MAML1: variants seen among roughly 807,000 people sequenced by gnomAD.
The protein encoded by MAML1 is mastermind like transcriptional coactivator 1, also known as mastermind-like protein 1.
Under a neutral mutation model 77.1 loss-of-function variants are expected in MAML1, and 14 were observed. The ratio of observed to expected loss-of-function variants is 0.18; its 90% CI spans 0.12 to 0.28. MAML1 has a LOEUF of 0.28. Ranked by LOEUF, MAML1 falls within the 10% of genes least tolerant of loss-of-function variation. The pLI is 1.00. For synonymous variants in MAML1, 516 were observed against 551.9 expected, an observed-to-expected ratio of 0.93 and a Z score of 0.91; for missense variants, 1,217 against 1,327.8, an observed-to-expected ratio of 0.92 and a Z score of 1.30.
chr5:179,742,923 G>T (rs978276046), intron 1 of MAML1, among the ~76,000 whole-genome samples: 1 of 152,152 alleles, frequency 6.6e-6, no homozygotes, highest in African/African-American at 2.4e-5. Flanking sequence ...CTAAGCAAAA[G>T]CACTAGTAGT....
chr5:179,737,215 T>TA (rs1779186004), intron 1 of MAML1, among the ~76,000 whole-genome samples: 1 of 152,184 alleles, frequency 6.6e-6, no homozygotes, highest in Non-Finnish European at 1.5e-5. Context: ...AACCTTGACT[T>TA]ATGGATTTCT....
intron 1 of MAML1, among the ~76,000 whole-genome samples, chr5:179,751,637 A>G (rs1019029350): frequency 6.6e-6 from 1 of 151,798 alleles, no homozygotes; most frequent in African/African-American, 2.4e-5. Flanking sequence ...CCCGGGAGGC[A>G]GCGGGTGCAG....
At chr5:179,741,852 A>G (rs181867310) in intron 1 of MAML1, among the ~76,000 whole-genome samples, 13 of 152,188 alleles carry the variant, frequency 8.5e-5, no homozygotes, top group Admixed American at 6.5e-4. Flanking sequence ...CCCTCTGAGC[A>G]TCTGCACATA....
In MAML1 at chr5:179,765,329, C is replaced by A. The variant is rs756012391; in HGVS notation, c.319C>A (p.Leu107Ile). 4 of 1,582,484 alleles carry A rather than the reference C, an allele frequency of 2.5e-6. No homozygotes were observed. In the South Asian group the frequency reaches 4.6e-5, roughly 18 times the overall value. ...GPEHGRPATHLHDTVKRNLDS... is the reference protein window; with the variant it reads ...GPEHGRPATHIHDTVKRNLDS... ...CATTCTTTTCAATGTTTTTCAGCAT[C>A]TTCATGATACAGTTAAGAGGAATCT... Residue 107 changes from leucine to isoleucine, a missense_variant, in exon 2 of 5, where the codon CTT becomes ATT. Transcript: ENST00000292599.
chr5:179,744,527 C>A (rs1581926619), intron 1 of MAML1, among the ~76,000 whole-genome samples: 1 of 151,592 alleles, frequency 6.6e-6, no homozygotes, highest in Admixed American at 6.6e-5. Flanking sequence ...TAAGCTGGAT[C>A]CTTTTGGCAG....
chr5:179,759,930 A>G (rs1400658019), intron 1 of MAML1, among the ~76,000 whole-genome samples: 1 of 152,190 alleles, frequency 6.6e-6, no homozygotes, highest in Non-Finnish European at 1.5e-5. Context: ...ACTCTACAGG[A>G]CTTGGGTACC....
chr5:179,759,117 A>G (rs1425999421), intron 1 of MAML1, among the ~76,000 whole-genome samples: 2 of 152,070 alleles, frequency 1.3e-5, no homozygotes, highest in South Asian at 2.1e-4. Context: ...AGGTGCTCCT[A>G]TTTGTACGGT....
intron 1 of MAML1, among the ~76,000 whole-genome samples, chr5:179,752,340 AAAAAAAAAAAATAT>A (rs1487159487): frequency 1.3e-4 from 7 of 53,492 alleles, no homozygotes; most frequent in African/African-American, 3.7e-4. Context: ...AAAAAAAAAA[AAAAAAAAAAAATAT>A]ATATATATAT....
intron 1 of MAML1, among the ~76,000 whole-genome samples, chr5:179,739,719 A>T (rs190611508): frequency 1.3e-5 from 2 of 152,368 alleles, no homozygotes; most frequent in Non-Finnish European, 2.9e-5. Context: ...GACAACATTT[A>T]CATAGCATTT....
chr5:179,757,758 C>G (rs1411709044), intron 1 of MAML1, among the ~76,000 whole-genome samples: 3 of 152,172 alleles, frequency 2.0e-5, no homozygotes, highest in Non-Finnish European at 4.4e-5. Flanking sequence ...TGGTTTTTCT[C>G]TAGTGAAGAG....
intron 1 of MAML1, among the ~76,000 whole-genome samples, chr5:179,740,775 C>G (rs1779267580): frequency 6.6e-6 from 1 of 152,130 alleles, no homozygotes; most frequent in South Asian, 2.1e-4. Flanking sequence ...GGTTGCTGGA[C>G]TAGATGGCTT....
chr5:179,764,180 T>C (rs1277785451), intron 1 of MAML1, among the ~76,000 whole-genome samples: 5 of 152,154 alleles, frequency 3.3e-5, no homozygotes, highest in Non-Finnish European at 7.3e-5. Flanking sequence ...GTATGTCCCA[T>C]GTCCTGAAAG....
rs146455656 is a variant in MAML1, at chr5:179,775,159, CA to C, written c.*288del. The stretch of plus-strand genomic sequence containing the variant: ...AAAGGTGGTTTTCTATCCAAACGAC[CA>C]AAAAACCAACAGTAACACCAGTGAA... On this transcript the variant is annotated 3_prime_UTR_variant, in exon 5 of 5. Coordinates refer to ENST00000292599, the MANE Select transcript of MAML1 (RefSeq NM_014757.5). The C allele has an allele frequency of 4.0e-3, 4,526 of 1,143,994 alleles. 10 individuals are homozygous for C. Among genetic ancestry groups the C allele is most frequent in the Non-Finnish European group, 4.4e-3 (4,136 of 930,530 alleles). 70.9% of individuals were successfully genotyped at this position (1,143,994 alleles called of 1,614,324 possible).
At chr5:179,754,555 A>C (rs1779573843) in intron 1 of MAML1, among the ~76,000 whole-genome samples, 1 of 151,962 alleles carries the variant, frequency 6.6e-6, no homozygotes, top group African/African-American at 2.4e-5. Context: ...ACCCCACTGC[A>C]CTCCAGCCTG....
At chr5:179,753,121 G>T (rs1164523738) in intron 1 of MAML1, among the ~76,000 whole-genome samples, 1 of 151,978 alleles carries the variant, frequency 6.6e-6, no homozygotes, top group Non-Finnish European at 1.5e-5. Context: ...ATTGGAACAG[G>T]AAAGACTGTA....
At chr5:179,742,363 C>T (rs1371299849) in intron 1 of MAML1, among the ~76,000 whole-genome samples, 2 of 151,766 alleles carry the variant, frequency 1.3e-5, no homozygotes, top group Non-Finnish European at 2.9e-5. Flanking sequence ...GTGGTACGTG[C>T]CTGTAATCCC....
intron 1 of MAML1, among the ~76,000 whole-genome samples, chr5:179,764,974 A>G (rs1779785687): frequency 1.0e-5 from 1 of 95,900 alleles, no homozygotes; most frequent in Non-Finnish European, 2.5e-5. Context: ...CTCAAAACAT[A>G]TATATATATA....
intron 1 of MAML1, among the ~76,000 whole-genome samples, chr5:179,739,291 G>A (rs1470443966): frequency 6.6e-6 from 1 of 152,194 alleles, no homozygotes; most frequent in Non-Finnish European, 1.5e-5. Flanking sequence ...GCTGTGGTGG[G>A]AGGATAGCTT....
chr5:179,745,921 C>G (rs1779371226), intron 1 of MAML1, among the ~76,000 whole-genome samples: 2 of 148,816 alleles, frequency 1.3e-5, no homozygotes, highest in Admixed American at 6.7e-5. Flanking sequence ...GTAATCCCAG[C>G]TACTCGGGAG....
Sources: gnomAD v4.1 joint callset for allele counts (sites outside exome capture counted in the v4.1 genomes callset) on GRCh38, gnomAD v4.1.1 for gene constraint, MANE v1.5 for transcripts, NCBI Gene and HGNC (gene_info 2026-07-23, HGNC 2026-07-21) for gene names.